Variants in RAD51B observed in about 807,000 individuals in gnomAD.
RAD51B encodes the protein RAD51 paralog B, also known as DNA repair protein RAD51 homolog 2.
Under a neutral mutation model 42.2 loss-of-function variants are expected in RAD51B, and 38 were observed. That is an observed-to-expected ratio of 0.90 (90% CI 0.70 to 1.18). The LOEUF (loss-of-function observed/expected upper bound fraction) is 1.18. RAD51B is among the 50% of genes most tolerant of loss of function. RAD51B has a pLI of 0.00. For synonymous variants in RAD51B, 154 were observed against 145.2 expected (o/e 1.06, Z -0.43); for missense variants, 373 against 400.7 (o/e 0.93, Z 0.59).
intron 8 of RAD51B, chr14:68,339,581 A>G (rs2082530921): frequency 1.7e-5 from 5 of 294,312 alleles, no homozygotes; most frequent in Non-Finnish European, 3.1e-5. Context: ...ATCTAGCATT[A>G]TACCAAATAA....
At chr14:68,422,122 A>G in intron 9 of RAD51B, 2 of 1,443,836 alleles carry the variant, frequency 1.4e-6, no homozygotes, top group Non-Finnish European at 2.0e-6. Flanking sequence ...TCTTGTCTGC[A>G]AACAGCTCGA....
intron 8 of RAD51B, among the ~76,000 whole-genome samples, chr14:68,345,225 A>G (rs930946388): frequency 5.9e-5 from 9 of 152,214 alleles, no homozygotes; most frequent in African/African-American, 2.2e-4. Flanking sequence ...TGGGAGAACT[A>G]TTGAGAAAGG....
chr14:68,291,706 A>G (rs2081519856), intron 7 of RAD51B, among the ~76,000 whole-genome samples, 178 bp from the exon 8 acceptor site: 2 of 152,242 alleles, frequency 1.3e-5, no homozygotes, highest in Admixed American at 1.3e-4. Context: ...AGGCCTTGCC[A>G]GATAATTCTG....
chr14:68,410,454 G>A (rs745945556), intron 8 of RAD51B, among the ~76,000 whole-genome samples: 2 of 152,174 alleles, frequency 1.3e-5, no homozygotes, highest in African/African-American at 2.4e-5. Context: ...ATAGAAAAAA[G>A]ATCGCATCTG....
At position 68,648,121 on chromosome 14, in the gene RAD51B, A is replaced by ACGTGTG. The variant is rs1566963594; in HGVS notation, c.1037-2660_1037-2659insCGTGTG. Reference sequence around the variant, plus strand: ...TATATATATACACACACGTATATATATATACACACACGTATATATATATAT... The same window carrying ACGTGTG: ...TATATATATACACACACGTATATATACGTGTGTATACACACACGTATATATATATAT... On this transcript the variant is annotated intron_variant, in intron 10 of 11. Transcript: ENST00000488612. 2.5e-4 allele frequency among the ~76,000 whole-genome samples: 20 copies of ACGTGTG among 80,800 alleles called. 1 individual carries two copies. The highest frequency in any genetic ancestry group is 9.5e-4 in the South Asian group (2 of 2,114). 53.0% of individuals were successfully genotyped at this position (80,800 alleles called of 152,430 possible).
intron 11 of RAD51B, among the ~76,000 whole-genome samples, chr14:68,677,894 C>T (rs896036877): frequency 3.3e-5 from 5 of 152,208 alleles, no homozygotes; most frequent in Admixed American, 1.3e-4. Context: ...TGCAGGCTGG[C>T]CTTTTTCCCA....
intron 9 of RAD51B, chr14:68,422,155 G>T: frequency 7.6e-7 from 1 of 1,308,682 alleles, no homozygotes; most frequent in Non-Finnish European, 1.1e-6. Context: ...CCAAGGGCTC[G>T]CTGTCGACGG....
chr14:68,141,445 G>A (rs1336063037), intron 7 of RAD51B, among the ~76,000 whole-genome samples: 1 of 152,070 alleles, frequency 6.6e-6, no homozygotes, highest in Non-Finnish European at 1.5e-5. Flanking sequence ...TACTACTAAA[G>A]CAAAATGATA....
intron 7 of RAD51B, among the ~76,000 whole-genome samples, chr14:67,924,954 A>G (rs937671807): frequency 3.9e-5 from 6 of 152,356 alleles, no homozygotes; most frequent in African/African-American, 1.4e-4. Context: ...GTTACTTCCT[A>G]CATACAGTGG....
chr14:68,671,185 T>A (rs898489740), intron 11 of RAD51B, among the ~76,000 whole-genome samples: 2 of 152,208 alleles, frequency 1.3e-5, no homozygotes, highest in Non-Finnish European at 2.9e-5. Flanking sequence ...CCTGGGTTGG[T>A]CCGTGTGCTT....
chr14:67,930,351 T>C (rs944333370), intron 7 of RAD51B, among the ~76,000 whole-genome samples: 4 of 152,206 alleles, frequency 2.6e-5, no homozygotes, highest in South Asian at 2.1e-4. Flanking sequence ...GTTTTTTTTT[T>C]CCACTCCCTT....
chr14:68,310,304 C>T (rs1486571626), intron 8 of RAD51B, among the ~76,000 whole-genome samples: 1 of 152,170 alleles, frequency 6.6e-6, no homozygotes, highest in Non-Finnish European at 1.5e-5. Flanking sequence ...CACATCAAAG[C>T]TCTGAGGGCT....
At chr14:67,957,869 G>A (rs1458586506) in intron 7 of RAD51B, among the ~76,000 whole-genome samples, 1 of 152,052 alleles carries the variant, frequency 6.6e-6, no homozygotes, top group Non-Finnish European at 1.5e-5. Context: ...CTATTATTTT[G>A]TTTTTATAGA....
chr14:67,841,393 T>C (rs542180434), intron 4 of RAD51B, among the ~76,000 whole-genome samples: 14 of 152,334 alleles, frequency 9.2e-5, no homozygotes, highest in Non-Finnish European at 1.8e-4. Flanking sequence ...ATTCTGTTGA[T>C]AGTTTCTTTT....
chr14:68,593,531 A>C (rs1354268798), intron 10 of RAD51B, among the ~76,000 whole-genome samples: 2 of 152,172 alleles, frequency 1.3e-5, no homozygotes, highest in African/African-American at 4.8e-5. Flanking sequence ...GGAGAGATGA[A>C]ATCCAATGGG....
intron 7 of RAD51B, among the ~76,000 whole-genome samples, chr14:68,290,512 A>G (rs1467976461): frequency 6.6e-6 from 1 of 152,248 alleles, no homozygotes. Context: ...ATTCGACCAC[A>G]TGAATTAGGT....
rs568297188 is a variant in RAD51B at position 68,528,015 on chromosome 14, G to A, written c.1036+59765G>A. On this transcript the variant is annotated intron_variant, in intron 10 of 10. Coordinates refer to the RAD51B transcript ENST00000487270. ...CTTTAAAACATTATTTTTTTTAAAA[G>A]TCTTCCATCTCAGTTTGTGGGCTCC... Among the ~76,000 whole-genome samples, 4 of 152,076 alleles carry A rather than the reference G, an allele frequency of 2.6e-5. No individual in the cohort carries two copies. In the South Asian group the frequency reaches 6.2e-4, roughly 24 times the overall value.
At chr14:68,323,442 G>A (rs1303618298) in intron 8 of RAD51B, among the ~76,000 whole-genome samples, 1 of 152,170 alleles carries the variant, frequency 6.6e-6, no homozygotes, top group African/African-American at 2.4e-5. Flanking sequence ...GCAGCTAAGG[G>A]TGGTGTTCCT....
intron 7 of RAD51B, among the ~76,000 whole-genome samples, chr14:68,036,163 T>C (rs572143253): frequency 3.9e-4 from 59 of 152,354 alleles, no homozygotes; most frequent in Admixed American, 1.4e-3. Context: ...CATTATTTAT[T>C]GTAGCCTCAC....
Sources: allele counts gnomAD v4.1 joint callset (sites outside exome capture counted in the v4.1 genomes callset), GRCh38; gene constraint gnomAD v4.1.1; transcripts MANE v1.5; gene names NCBI Gene and HGNC (gene_info 2026-07-23, HGNC 2026-07-21).